Variants in KIDINS220 observed in about 807,000 individuals in gnomAD.
KIDINS220 encodes kinase D interacting substrate 220, also known as kinase D-interacting substrate of 220 kDa.
In KIDINS220, 63 loss-of-function variants were observed where a neutral mutation model predicts 157.6. That is an observed-to-expected ratio of 0.40 (90% CI 0.33 to 0.49). The LOEUF (loss-of-function observed/expected upper bound fraction) is 0.49. Ranked by LOEUF, KIDINS220 falls within the 20% of genes least tolerant of loss-of-function variation. The pLI is 0.66. For missense variants in KIDINS220, 1,772 were observed against 2,171.2 expected (o/e 0.82, Z 3.65); for synonymous variants, 732 against 783.6 (o/e 0.93, Z 1.10).
chr2:8,732,869 C>T (rs1664337435), intron 29 of KIDINS220, among the ~76,000 whole-genome samples: 1 of 152,180 alleles, frequency 6.6e-6, no homozygotes, highest in African/African-American at 2.4e-5. Flanking sequence ...GCTCTCCTCA[C>T]TCCCGCTACT....
intron 2 of KIDINS220, among the ~76,000 whole-genome samples, chr2:8,823,547 G>A (rs1416266488): frequency 1.3e-5 from 2 of 151,724 alleles, no homozygotes; most frequent in African/African-American, 4.8e-5. Context: ...TATTAAACTG[G>A]ATATGTTAAT....
At chr2:8,769,983 AC>A (rs1478737673) in intron 22 of KIDINS220, among the ~76,000 whole-genome samples, 1 of 152,202 alleles carries the variant, frequency 6.6e-6, no homozygotes, top group Non-Finnish European at 1.5e-5. Context: ...TAATTCTAAA[AC>A]CAGTTATTTA....
At chr2:8,834,751 TAAC>T (rs1206653388) in intron 1 of KIDINS220, among the ~76,000 whole-genome samples, 2 of 152,182 alleles carry the variant, frequency 1.3e-5, no homozygotes, top group African/African-American at 4.8e-5. Context: ...TTAACATTCT[TAAC>T]AAGCCAAAAC....
chr2:8,728,415 A>G (rs140644303), downstream of KIDINS220, among the ~76,000 whole-genome samples: 1,025 of 152,300 alleles, frequency 6.7e-3, 2 homozygotes, highest in Non-Finnish European at 0.01. Context: ...TAGAGCACCA[A>G]TTTCTTTTTC....
In KIDINS220 at chr2:8,818,647, G is replaced by C. The variant is rs529851043; in HGVS notation, c.207+48C>G. 1.8e-5 allele frequency: 20 copies of C among 1,141,944 alleles called. No homozygotes were observed. In the South Asian group the frequency reaches 2.5e-4, roughly 14 times the overall value. The allele number at this position is 1,141,944 out of a possible 1,614,324, so 70.7% of individuals were successfully genotyped here. Reference sequence around the variant, plus strand: ...ATCACTTCTGAAAAACAAAAAAATAGCTAAGAAAAAAGTGAGTAAATGATG... The same window carrying C: ...ATCACTTCTGAAAAACAAAAAAATACCTAAGAAAAAAGTGAGTAAATGATG... On this transcript the variant is annotated intron_variant, in intron 3 of 29. Coordinates refer to ENST00000256707, the MANE Select transcript of KIDINS220 (RefSeq NM_020738.4).
intron 10 of KIDINS220, among the ~76,000 whole-genome samples, chr2:8,797,190 C>T (rs1240302539): frequency 6.6e-6 from 1 of 152,158 alleles, no homozygotes; most frequent in Admixed American, 6.5e-5. Context: ...GGCTACTTCC[C>T]GTTCTCCCCA....
chr2:8,823,462 T>C (rs1263854432), intron 2 of KIDINS220, among the ~76,000 whole-genome samples: 3 of 151,884 alleles, frequency 2.0e-5, no homozygotes, highest in Non-Finnish European at 1.5e-5. Context: ...TACCAACTTT[T>C]ACACTGAGCC....
At chr2:8,802,784 T>C in intron 8 of KIDINS220, 146 bp downstream of exon 8, 1 of 633,858 alleles carries the variant, frequency 1.6e-6, no homozygotes, top group East Asian at 2.8e-5. Flanking sequence ...TTGAACAGTT[T>C]TTAACTTACT....
At chr2:8,756,031 G>C (rs191688929) in intron 22 of KIDINS220, among the ~76,000 whole-genome samples, 6 of 152,286 alleles carry the variant, frequency 3.9e-5, no homozygotes, top group South Asian at 4.1e-4. Context: ...CTGGAATTTT[G>C]ATAGGTATAA....
At chr2:8,814,305 T>C (rs1487388457) in intron 4 of KIDINS220, among the ~76,000 whole-genome samples, 1 of 152,150 alleles carries the variant, frequency 6.6e-6, no homozygotes, top group Non-Finnish European at 1.5e-5. Context: ...GTATGGAGCA[T>C]CTTAAAAGGG....
At chr2:8,732,434 T>C (rs543539506) in intron 29 of KIDINS220, among the ~76,000 whole-genome samples, 9 of 152,344 alleles carry the variant, frequency 5.9e-5, no homozygotes, top group African/African-American at 2.2e-4. Context: ...GTTTAGCTTT[T>C]ATTTAAGGCC....
intron 22 of KIDINS220, among the ~76,000 whole-genome samples, chr2:8,762,706 T>C (rs914557209): frequency 6.6e-6 from 1 of 151,930 alleles, no homozygotes; most frequent in Non-Finnish European, 1.5e-5. Context: ...GCCACTGCAC[T>C]CCAGGCTGGG....
rs139887022 is a variant in KIDINS220 at position 8,737,006 on chromosome 2, A to G, written c.3586-7T>C. ...CTGGGGCTGGGCCTGACCCCTAGAG[A>G]AGTCAAGGAAAAATACAGGTATGAA... On this transcript the variant is annotated splice_polypyrimidine_tract_variant and splice_region_variant and intron_variant, in intron 26 of 29. Coordinates refer to ENST00000256707, the MANE Select transcript of KIDINS220 (RefSeq NM_020738.4). 4,094 of 1,613,784 alleles carry G rather than the reference A, an allele frequency of 2.5e-3. 17 individuals carry two copies. The highest frequency in any genetic ancestry group is 9.6e-3 in the Middle Eastern group (58 of 6,060).
At position 8,814,794 on chromosome 2, in the gene KIDINS220, G is replaced by C. The variant is rs187936721; in HGVS notation, c.307-1459C>G. ...ACACCACCCTAATCAAGAGATGAAGGCTGACATCACCAGTGATACAAACTG... is the reference window on the plus strand; with the variant it reads ...ACACCACCCTAATCAAGAGATGAAGCCTGACATCACCAGTGATACAAACTG... On this transcript the variant is annotated intron_variant, in intron 4 of 29. Coordinates refer to ENST00000256707, the MANE Select transcript of KIDINS220 (RefSeq NM_020738.4). 7.7e-4 allele frequency among the ~76,000 whole-genome samples: 117 copies of C among 152,254 alleles called. 6 individuals carry two copies. The East Asian group carries it at 0.019, about 25-fold the overall frequency.
intron 7 of KIDINS220, among the ~76,000 whole-genome samples, chr2:8,805,101 C>G (rs148963210): frequency 4.6e-5 from 7 of 152,296 alleles, no homozygotes; most frequent in Non-Finnish European, 7.4e-5. Flanking sequence ...TAGAAATGAG[C>G]AGGCAGATGA....
intron 15 of KIDINS220, among the ~76,000 whole-genome samples, chr2:8,786,835 G>A (rs1672464370): frequency 6.6e-6 from 1 of 152,110 alleles, no homozygotes. Context: ...AAAAACTCAA[G>A]TTTTAGCATG....
chr2:8,779,649 G>A (rs758473952), intron 18 of KIDINS220, 25 bp downstream of exon 18: 4 of 1,598,614 alleles, frequency 2.5e-6, no homozygotes, highest in Non-Finnish European at 3.4e-6. Context: ...TAACAATGGT[G>A]GCTTTTGAGG....
chr2:8,781,064 C>T (rs1013706699), intron 17 of KIDINS220, among the ~76,000 whole-genome samples: 3 of 148,904 alleles, frequency 2.0e-5, no homozygotes, highest in Non-Finnish European at 3.0e-5. Context: ...AAAAGACACA[C>T]GTAGATTAAA....
chr2:8,803,291 C>A (rs1245653589), intron 7 of KIDINS220, among the ~76,000 whole-genome samples, 164 bp from the exon 8 acceptor site: 5 of 152,034 alleles, frequency 3.3e-5, no homozygotes, highest in Non-Finnish European at 7.4e-5. Context: ...TAGCAAGAAA[C>A]ATACCAAAAA....
Sources: gnomAD v4.1 joint callset for allele counts (sites outside exome capture counted in the v4.1 genomes callset) on GRCh38, gnomAD v4.1.1 for gene constraint, MANE v1.5 for transcripts, NCBI Gene and HGNC (gene_info 2026-07-23, HGNC 2026-07-21) for gene names.